The following ORC4 variants were observed in gnomAD, a reference collection of about 807,000 sequenced individuals.
The protein encoded by ORC4 is origin recognition complex subunit 4.
In ORC4, 55 loss-of-function variants were observed where a neutral mutation model predicts 63.9. The ratio of observed to expected loss-of-function variants is 0.86; its 90% CI spans 0.69 to 1.08. ORC4 has a LOEUF of 1.08. Among genes scored for constraint, ORC4 ranks in the 50% least tolerant of loss-of-function variants. The pLI is 0.00. For synonymous variants in ORC4, 150 were observed against 168.5 expected, an observed-to-expected ratio of 0.89 and a Z score of 0.85; for missense variants, 511 against 504.4, an observed-to-expected ratio of 1.01 and a Z score of -0.13.
chr2:148,007,250 G>A (rs2105452350), intron 1 of ORC4, among the ~76,000 whole-genome samples: 1 of 152,266 alleles, frequency 6.6e-6, no homozygotes, highest in South Asian at 2.1e-4. Flanking sequence ...TAGGAAAACA[G>A]GACCTCACCA....
At chr2:147,980,201 T>G (rs952857575) in intron 1 of ORC4, among the ~76,000 whole-genome samples, 1 of 151,410 alleles carries the variant, frequency 6.6e-6, no homozygotes, top group African/African-American at 2.4e-5. Flanking sequence ...TCAACCAACT[T>G]AAGAGAGAGA....
chr2:147,997,418 G>C (rs1692037045), intron 1 of ORC4, among the ~76,000 whole-genome samples: 1 of 152,048 alleles, frequency 6.6e-6, no homozygotes. Context: ...GACATTTCAA[G>C]AACATTTATA....
chr2:147,945,879 T>C (rs1415450952), intron 9 of ORC4, among the ~76,000 whole-genome samples: 1 of 152,018 alleles, frequency 6.6e-6, no homozygotes. Context: ...TGCTGACAGA[T>C]TTTTCAAGTG....
chr2:148,001,508 T>C (rs953880611), intron 1 of ORC4, among the ~76,000 whole-genome samples: 3 of 152,168 alleles, frequency 2.0e-5, no homozygotes, highest in Non-Finnish European at 4.4e-5. Context: ...CCAGCCAAAC[T>C]AAGCTTCATA....
intron 1 of ORC4, among the ~76,000 whole-genome samples, chr2:147,987,797 T>C (rs1394395828): frequency 6.6e-6 from 1 of 152,100 alleles, no homozygotes; most frequent in Non-Finnish European, 1.5e-5. Flanking sequence ...CTCCCACCTG[T>C]AATCCCAGCA....
chr2:147,938,391 G>A lies in ORC4; in HGVS notation c.961C>T (p.Leu321=). The A allele has an allele frequency of 6.4e-7, 1 of 1,565,420 alleles. No homozygotes were observed. The highest frequency in any genetic ancestry group is 8.8e-7 in the Non-Finnish European group (1 of 1,137,782). The stretch of plus-strand genomic sequence containing the variant: ...ATAAGACAGATTTCCAAGACTGATA[G>A]ACCTACAGTAAAAGGGAAAAAAAAC... ...MDSKANIVHG[L]SVLEICLIIA... is the part of the protein sequence containing the mutation. Residue 321 remains leucine, a splice_region_variant and synonymous_variant, in exon 12 of 14, where the codon CTA becomes TTA. Coordinates refer to ENST00000392857, the MANE Select transcript of ORC4 (RefSeq NM_181741.4).
At chr2:147,946,202 G>C (rs1688651278) in intron 9 of ORC4, among the ~76,000 whole-genome samples, 1 of 151,956 alleles carries the variant, frequency 6.6e-6, no homozygotes, top group South Asian at 2.1e-4. Flanking sequence ...TGCTCAGAAT[G>C]CAACACAGTT....
chr2:147,944,155 G>C (rs1573755308), intron 9 of ORC4, among the ~76,000 whole-genome samples: 1 of 152,250 alleles, frequency 6.6e-6, no homozygotes, highest in Non-Finnish European at 1.5e-5. Flanking sequence ...GTTTATAGGA[G>C]TACATCTGGT....
At chr2:147,984,597 T>C (rs1182866547) in intron 1 of ORC4, among the ~76,000 whole-genome samples, 3 of 152,274 alleles carry the variant, frequency 2.0e-5, no homozygotes, top group African/African-American at 7.2e-5. Context: ...GAAATTCTCA[T>C]TACTGCAGTT....
At chr2:147,989,280 G>C (rs946562947) in intron 1 of ORC4, among the ~76,000 whole-genome samples, 2 of 152,112 alleles carry the variant, frequency 1.3e-5, no homozygotes, top group East Asian at 1.9e-4. Context: ...GGGGTAGGGA[G>C]TTGGGGTGGA....
chr2:148,014,610 A>G (rs1390360170), intron 1 of ORC4, among the ~76,000 whole-genome samples: 1 of 152,228 alleles, frequency 6.6e-6, no homozygotes, highest in Admixed American at 6.5e-5. Flanking sequence ...CAAATGAACT[A>G]TGAATATAGT....
chr2:147,982,677 T>G (rs556413055), intron 1 of ORC4, among the ~76,000 whole-genome samples: 2 of 152,188 alleles, frequency 1.3e-5, no homozygotes, highest in African/African-American at 4.8e-5. Flanking sequence ...ATAACCTACA[T>G]AAATTTTGAC....
intron 4 of ORC4, among the ~76,000 whole-genome samples, chr2:147,966,515 A>G (rs1398467217): frequency 1.3e-5 from 2 of 152,084 alleles, no homozygotes; most frequent in East Asian, 1.9e-4. Context: ...GAAAAGAAAA[A>G]GGAGACATCA....
chr2:147,954,545 T>G (rs1689140549), intron 7 of ORC4, among the ~76,000 whole-genome samples: 2 of 152,132 alleles, frequency 1.3e-5, no homozygotes, highest in African/African-American at 4.8e-5. Flanking sequence ...AAAATATGGT[T>G]TTATAATCTA....
intron 1 of ORC4, among the ~76,000 whole-genome samples, chr2:148,008,368 C>G (rs551772205): frequency 6.6e-6 from 1 of 152,162 alleles, no homozygotes; most frequent in East Asian, 1.9e-4. Context: ...GAAAATCAAG[C>G]AAAACAACTA....
Position 147,972,849 on chromosome 2 carries a change from A to G in ORC4, c.135-20T>C. The G allele has an allele frequency of 6.7e-7, 1 of 1,497,038 alleles. No homozygotes were observed. Among genetic ancestry groups the G allele is most frequent in the Non-Finnish European group, 9.3e-7 (1 of 1,075,114 alleles). The allele number at this position is 1,497,038 out of a possible 1,614,324, so 92.7% of individuals were successfully genotyped here. The stretch of plus-strand genomic sequence containing the variant: ...AAGTGTCTAAAATGATATAAATAGG[A>G]CAAAATTTTAAAAATGAAGCTGGAA... On this transcript the variant is annotated intron_variant, in intron 3 of 13. Transcript: ENST00000392857.
chr2:147,991,465 TAAAC>T (rs1373060350), intron 1 of ORC4, among the ~76,000 whole-genome samples: 1 of 152,134 alleles, frequency 6.6e-6, no homozygotes, highest in Non-Finnish European at 1.5e-5. Context: ...AGTTATGAAA[TAAAC>T]AACCCCCAGA....
At chr2:147,986,680 A>T (rs1691215046) in intron 1 of ORC4, among the ~76,000 whole-genome samples, 1 of 152,116 alleles carries the variant, frequency 6.6e-6, no homozygotes, top group Non-Finnish European at 1.5e-5. Flanking sequence ...GAGCCAATAA[A>T]GCCTTGTGTG....
intron 6 of ORC4, 126 bp downstream of exon 6, chr2:147,958,171 GA>G (rs1689368686): frequency 3.2e-6 from 2 of 630,346 alleles, no homozygotes; most frequent in Non-Finnish European, 5.5e-6. Flanking sequence ...TTTTATGAAA[GA>G]ATCTCATATA....
Sources: gnomAD v4.1 joint callset for allele counts (sites outside exome capture counted in the v4.1 genomes callset) on GRCh38, gnomAD v4.1.1 for gene constraint, MANE v1.5 for transcripts, NCBI Gene and HGNC (gene_info 2026-07-23, HGNC 2026-07-21) for gene names.